The following FHDC1 variants were observed in gnomAD, a reference collection of about 807,000 sequenced individuals.
The protein encoded by FHDC1 is FH2 domain containing 1, also known as FH2 domain-containing protein 1.
A neutral mutation model predicts 52.6 loss-of-function variants in FHDC1; 25 were observed. That is an observed-to-expected ratio of 0.48 (90% CI 0.35 to 0.66). FHDC1 has a LOEUF of 0.66. FHDC1 is among the 30% of genes least tolerant of loss of function. The probability of loss-of-function intolerance (pLI) is 0.01; values close to 1 mark genes in which losing one functional copy is unlikely to be tolerated. For synonymous variants in FHDC1, 616 were observed against 581.5 expected, an observed-to-expected ratio of 1.06 and a Z score of -0.85; for missense variants, 1,459 against 1,452.8, an observed-to-expected ratio of 1.00 and a Z score of -0.07.
At chr4:152,932,107 G>A, upstream of FHDC1, among the ~76,000 whole-genome samples, 1 of 151,960 alleles carries the variant, frequency 6.6e-6, no homozygotes, top group Non-Finnish European at 1.5e-5. Context: ...GTATTGGCTG[G>A]GTGTGGTGGC....
At position 152,974,765 on chromosome 4, in the gene FHDC1, C is replaced by G; in HGVS notation, c.1474C>G (p.Leu492Val). ...QKQRSWATGE[L>V]GAFGRSSSEN... is the part of the protein sequence containing the mutation. Reference sequence around the variant, plus strand: ...GCAGCGCTCCTGGGCAACTGGGGAGCTGGGGGCATTTGGCCGGAGCAGCAG... The same window carrying G: ...GCAGCGCTCCTGGGCAACTGGGGAGGTGGGGGCATTTGGCCGGAGCAGCAG... Residue 492 changes from leucine to valine, a missense_variant, in exon 12 of 12, where the codon CTG becomes GTG. Leu to Val is a conservative substitution (Grantham distance 32). Around this residue, in one of 3 missense-constraint regions of FHDC1, gnomAD observed 513 missense variants for 581.5 expected, o/e 0.88. Coordinates refer to ENST00000511601, the MANE Select transcript of FHDC1 (RefSeq NM_001371116.1). 3 of 1,533,564 alleles carry G rather than the reference C, an allele frequency of 2.0e-6. No individual in the cohort carries two copies. The South Asian group carries it at 3.8e-5, about 20-fold the overall frequency. 95.0% of individuals were successfully genotyped at this position (1,533,564 alleles called of 1,614,324 possible).
chr4:152,921,759 T>G, the FHDC1 span, among the ~76,000 whole-genome samples: 2 of 152,078 alleles, frequency 1.3e-5, no homozygotes. Flanking sequence ...TTTATAACCC[T>G]CATGCCAAAT....
At chr4:152,945,470 T>G (rs539554176) in intron 2 of FHDC1, among the ~76,000 whole-genome samples, 4 of 152,324 alleles carry the variant, frequency 2.6e-5, no homozygotes, top group Non-Finnish European at 5.9e-5. Flanking sequence ...AGTATTTATT[T>G]TTTTGAGACA....
At chr4:152,937,902 G>C (rs989082210) in intron 1 of FHDC1, among the ~76,000 whole-genome samples, 5 of 152,252 alleles carry the variant, frequency 3.3e-5, no homozygotes, top group Admixed American at 6.5e-5. Context: ...GGCTCGGGCG[G>C]GGACCGGGGT....
intron 2 of FHDC1, among the ~76,000 whole-genome samples, chr4:152,949,109 T>TAAGAAGAAGAAG (rs1478019320): frequency 1.3e-4 from 10 of 75,066 alleles, no homozygotes; most frequent in South Asian, 1.1e-3. Flanking sequence ...ATAATAATAA[T>TAAGAAGAAGAAG]AATAATAATA....
chr4:152,948,842 A>G (rs116395290), intron 2 of FHDC1, among the ~76,000 whole-genome samples: 4,266 of 152,174 alleles, frequency 0.028, 195 homozygotes, highest in African/African-American at 0.096. Context: ...TTATACAACA[A>G]TGTGGATGTA....
At chr4:152,956,391 C>T (rs138530604) in intron 4 of FHDC1, among the ~76,000 whole-genome samples, 3 of 152,156 alleles carry the variant, frequency 2.0e-5, no homozygotes, top group African/African-American at 7.2e-5. Context: ...CAGCTTCATG[C>T]AGTGGTGAGG....
chr4:152,936,426 C>A lies in FHDC1; in HGVS notation c.-131+17C>A, dbSNP rs1451446892. 6.6e-6 allele frequency: 1 copy of A among 152,178 alleles called. No individual in the cohort carries two copies. The highest frequency in any genetic ancestry group is 6.6e-5 in the Admixed American group (1 of 15,244). 9.4% of individuals were successfully genotyped at this position (152,178 alleles called of 1,614,324 possible). Reference sequence around the variant, plus strand: ...TGGCCGCGGGTGAGTGCGGGTCGGGCGGCCGAGGCGGGGGCGACCGCGGCG... The same window carrying A: ...TGGCCGCGGGTGAGTGCGGGTCGGGAGGCCGAGGCGGGGGCGACCGCGGCG... On this transcript the variant is annotated intron_variant, in intron 1 of 11. Transcript: ENST00000511601.
rs151140042 is a variant in FHDC1, at chr4:152,975,505, G to A, written c.2214G>A (p.Ala738=). 2.0e-4 allele frequency: 329 copies of A among 1,613,416 alleles called. 3 individuals are homozygous for A. In the African/African-American group the frequency reaches 3.5e-3, roughly 17 times the overall value. Residue 738 remains alanine, a synonymous_variant, in exon 12 of 12, where the codon GCG becomes GCA. Coordinates refer to ENST00000511601, the MANE Select transcript of FHDC1 (RefSeq NM_001371116.1). ...ATGCCCTGGGGAGTCTCAGCCCAGC[G>A]CTGGAGGATGGCAAGGCTGCCCCCG... ...GRDALGSLSP[A]LEDGKAAPDE...
chr4:152,924,380 G>A, the FHDC1 span, among the ~76,000 whole-genome samples: 7 of 152,148 alleles, frequency 4.6e-5, no homozygotes, highest in Admixed American at 2.0e-4. Flanking sequence ...GAGAGGATGT[G>A]GAGAAATAGG....
chr4:152,953,164 T>C (rs1461169360), intron 2 of FHDC1, among the ~76,000 whole-genome samples: 1 of 152,056 alleles, frequency 6.6e-6, no homozygotes, highest in Admixed American at 6.6e-5. Flanking sequence ...ATGCATTTCA[T>C]ATCCCACTAA....
chr4:152,914,803 A>C, the FHDC1 span, among the ~76,000 whole-genome samples: 2 of 152,240 alleles, frequency 1.3e-5, no homozygotes, highest in Non-Finnish European at 2.9e-5. Flanking sequence ...TATAGGGCAC[A>C]TAGGAAGAAG....
chr4:152,919,138 G>A, the FHDC1 span, among the ~76,000 whole-genome samples: 1 of 152,246 alleles, frequency 6.6e-6, no homozygotes, highest in African/African-American at 2.4e-5. Flanking sequence ...ATGACTGGAG[G>A]CCCACTGGCA....
At chr4:152,942,758 A>G (rs1739609035) in intron 1 of FHDC1, among the ~76,000 whole-genome samples, 170 bp from the exon 2 acceptor site, 1 of 152,196 alleles carries the variant, frequency 6.6e-6, no homozygotes, top group Non-Finnish European at 1.5e-5. Context: ...GTAAAATTTG[A>G]TTCACATTTA....
chr4:152,965,103 T>C, intron 9 of FHDC1, 128 bp downstream of exon 9: 1 of 850,152 alleles, frequency 1.2e-6, no homozygotes, highest in Non-Finnish European at 1.8e-6. Context: ...AGACTGTCCT[T>C]CATTTGCTTA....
chr4:152,921,221 T>C, the FHDC1 span, among the ~76,000 whole-genome samples: 2 of 151,950 alleles, frequency 1.3e-5, no homozygotes, highest in Non-Finnish European at 2.9e-5. Flanking sequence ...ACAAAAATTA[T>C]TTTCCTTTAA....
the FHDC1 span, among the ~76,000 whole-genome samples, chr4:152,930,146 A>G: frequency 6.6e-6 from 1 of 152,206 alleles, no homozygotes; most frequent in Non-Finnish European, 1.5e-5. Context: ...AAATGCAGAA[A>G]CGTGTTCACC....
intron 2 of FHDC1, among the ~76,000 whole-genome samples, chr4:152,948,623 T>A (rs1739809519): frequency 6.6e-6 from 1 of 152,118 alleles, no homozygotes; most frequent in African/African-American, 2.4e-5. Flanking sequence ...CAGCTAATTT[T>A]TTTGTATTTT....
chr4:152,975,925 G>T lies in FHDC1; in HGVS notation c.2634G>T (p.Gly878=). Reference sequence around the variant, plus strand: ...CGTCTCCCGGGGCCTCCAAGCCCGGGAGCGCCCGGCGGAGCCAGGGGGCAG... The same window carrying T: ...CGTCTCCCGGGGCCTCCAAGCCCGGTAGCGCCCGGCGGAGCCAGGGGGCAG... The part of the protein sequence containing the change: ...KEASPGASKP[G]SARRSQGAVA... Residue 878 remains glycine, a synonymous_variant, in exon 12 of 12, where the codon GGG becomes GGT. Coordinates refer to ENST00000511601, the MANE Select transcript of FHDC1 (RefSeq NM_001371116.1). 1 of 1,514,176 alleles carries T rather than the reference G, an allele frequency of 6.6e-7. No homozygotes were observed. The allele number at this position is 1,514,176 out of a possible 1,614,324, so 93.8% of individuals were successfully genotyped here.
Sources: gnomAD v4.1 joint callset for allele counts (sites outside exome capture counted in the v4.1 genomes callset) on GRCh38, gnomAD v4.1.1 for gene constraint, gnomAD v4.1.1 regional missense constraint, MANE v1.5 for transcripts, NCBI Gene and HGNC (gene_info 2026-07-23, HGNC 2026-07-21) for gene names.